CNTNAP5: variants seen among roughly 807,000 people sequenced by gnomAD.
CNTNAP5 encodes the protein contactin-associated protein-like 5.
CNTNAP5 carries 72 observed loss-of-function variants against 150.2 expected under a neutral mutation model. The observed-to-expected ratio is 0.48, with a 90% confidence interval of 0.40 to 0.58. The LOEUF (loss-of-function observed/expected upper bound fraction) is 0.58. Ranked by LOEUF, CNTNAP5 falls within the 20% of genes least tolerant of loss-of-function variation. CNTNAP5 has a pLI of 0.00. For missense variants in CNTNAP5, 1,636 were observed against 1,626.2 expected (o/e 1.01, Z -0.10); for synonymous variants, 672 against 619.8 (o/e 1.08, Z -1.25).
intron 19 of CNTNAP5, among the ~76,000 whole-genome samples, chr2:124,803,112 CAAA>C (rs762676238): frequency 2.9e-5 from 3 of 102,354 alleles, no homozygotes. Flanking sequence ...AAGACTCCTT[CAAA>C]AAAAAAAAAA....
At chr2:124,858,376 T>A (rs1302866275) in intron 19 of CNTNAP5, among the ~76,000 whole-genome samples, 1 of 152,208 alleles carries the variant, frequency 6.6e-6, no homozygotes, top group Non-Finnish European at 1.5e-5. Context: ...ACAAAATCAA[T>A]GTGCAAAAAT....
chr2:124,237,868 A>G (rs1453168121), intron 2 of CNTNAP5, among the ~76,000 whole-genome samples: 1 of 152,082 alleles, frequency 6.6e-6, no homozygotes, highest in Non-Finnish European at 1.5e-5. Context: ...AACAACAACA[A>G]CAAAACACAA....
chr2:124,760,974 G>A (rs1680944223), intron 14 of CNTNAP5, among the ~76,000 whole-genome samples: 1 of 152,066 alleles, frequency 6.6e-6, no homozygotes, highest in African/African-American at 2.4e-5. Flanking sequence ...TGAGGTACAT[G>A]GATTCAACTC....
chr2:124,290,408 C>G (rs1688256365), intron 3 of CNTNAP5, among the ~76,000 whole-genome samples: 1 of 152,176 alleles, frequency 6.6e-6, no homozygotes, highest in South Asian at 2.1e-4. Flanking sequence ...AAAAGATCCT[C>G]TACCTACTCT....
At chr2:124,828,405 T>C (rs1352480889) in intron 19 of CNTNAP5, among the ~76,000 whole-genome samples, 2 of 151,746 alleles carry the variant, frequency 1.3e-5, no homozygotes, top group African/African-American at 4.8e-5. Flanking sequence ...GGCGTGAACC[T>C]AGGAGGTGGA....
chr2:124,866,260 A>C (rs1051802644), intron 20 of CNTNAP5, among the ~76,000 whole-genome samples: 2 of 152,164 alleles, frequency 1.3e-5, no homozygotes, highest in Non-Finnish European at 2.9e-5. Flanking sequence ...TCCATCTCAA[A>C]AAACAAACAA....
intron 8 of CNTNAP5, among the ~76,000 whole-genome samples, chr2:124,507,896 C>T (rs1694452252): frequency 1.3e-5 from 2 of 152,092 alleles, no homozygotes. Context: ...GAAAAAGCAC[C>T]CAAATAGAAG....
At chr2:124,603,960 T>C (rs1697044677) in intron 11 of CNTNAP5, among the ~76,000 whole-genome samples, 1 of 152,190 alleles carries the variant, frequency 6.6e-6, no homozygotes, top group Admixed American at 6.5e-5. Context: ...ATAATTCCAG[T>C]CTTTAATAAA....
chr2:124,412,088 G>A (rs1691784214), intron 3 of CNTNAP5, among the ~76,000 whole-genome samples: 1 of 124,222 alleles, frequency 8.1e-6, no homozygotes, highest in South Asian at 2.8e-4. Flanking sequence ...ACCAATAACA[G>A]ACAAACAGAG....
In CNTNAP5 at chr2:124,790,041, C is replaced by T. The variant is rs199548920; in HGVS notation, c.2892C>T (p.Tyr964=). 88 of 1,613,864 alleles carry T rather than the reference C, an allele frequency of 5.5e-5. No individual in the cohort carries two copies. The highest frequency in any genetic ancestry group is 6.7e-5 in the East Asian group (3 of 44,844). The change falls in exon 18 of 24, where the codon TAC becomes TAT. Residue 964 remains tyrosine (Y), a synonymous_variant. Transcript: ENST00000682447. ...RPGCPGHCSS[Y]GSICHNGGKC... is the part of the protein sequence containing the mutation. ...GCTGCCCCGGCCACTGCAGCAGCTA[C>T]GGCAGCATCTGCCACAACGGGGGCA...
intron 2 of CNTNAP5, among the ~76,000 whole-genome samples, chr2:124,229,768 G>T (rs560998142): frequency 1.3e-5 from 2 of 152,106 alleles, no homozygotes; most frequent in African/African-American, 4.8e-5. Context: ...TGAAGCCACG[G>T]AGTTGTGGGT....
chr2:124,135,713 A>G (rs1683958985), intron 1 of CNTNAP5, among the ~76,000 whole-genome samples: 1 of 152,116 alleles, frequency 6.6e-6, no homozygotes, highest in African/African-American at 2.4e-5. Context: ...ATCCCTGTCA[A>G]ATATTTCTCA....
intron 18 of CNTNAP5, 57 bp downstream of exon 18, chr2:124,790,198 G>C: frequency 6.6e-7 from 1 of 1,508,486 alleles, no homozygotes; most frequent in East Asian, 2.4e-5. Context: ...TATACGCTAT[G>C]GTCAGGCCAT....
chr2:124,356,714 C>T (rs527774967), intron 3 of CNTNAP5, among the ~76,000 whole-genome samples: 2 of 152,116 alleles, frequency 1.3e-5, no homozygotes, highest in Admixed American at 1.3e-4. Context: ...CATTGTTAGA[C>T]ATTTGGGTTG....
intron 1 of CNTNAP5, among the ~76,000 whole-genome samples, chr2:124,190,183 G>T (rs1685426965): frequency 6.6e-6 from 1 of 152,106 alleles, no homozygotes; most frequent in Non-Finnish European, 1.5e-5. Context: ...TCCATAATGT[G>T]TATGTTATTC....
chr2:124,176,851 T>G (rs990953798), intron 1 of CNTNAP5, among the ~76,000 whole-genome samples: 5 of 148,584 alleles, frequency 3.4e-5, no homozygotes, highest in Admixed American at 2.7e-4. Flanking sequence ...GGTTTTTTTT[T>G]TTTTTTTTTT....
intron 3 of CNTNAP5, among the ~76,000 whole-genome samples, chr2:124,313,568 T>C (rs78625923): frequency 6.6e-6 from 1 of 152,344 alleles, no homozygotes; most frequent in African/African-American, 2.4e-5. Flanking sequence ...TGTCTTAACA[T>C]ACATTTCTAT....
At chr2:124,737,314 C>T (rs866657681) in intron 13 of CNTNAP5, among the ~76,000 whole-genome samples, 8 of 149,476 alleles carry the variant, frequency 5.4e-5, no homozygotes, top group South Asian at 2.1e-4. Flanking sequence ...AAATTGGGAA[C>T]GATAGCGTGA....
chr2:124,759,898 T>C (rs1387775989), intron 14 of CNTNAP5, among the ~76,000 whole-genome samples: 1 of 150,242 alleles, frequency 6.7e-6, no homozygotes, highest in African/African-American at 2.4e-5. Context: ...AAATGACCTT[T>C]AAGCTCATTT....
Sources: gnomAD v4.1 joint callset for allele counts (sites outside exome capture counted in the v4.1 genomes callset) on GRCh38, gnomAD v4.1.1 for gene constraint, MANE v1.5 for transcripts, NCBI Gene and HGNC (gene_info 2026-07-23, HGNC 2026-07-21) for gene names.